Variants in CCNB3 observed in about 807,000 individuals in gnomAD.
The protein encoded by CCNB3 is cyclin B3, also known as G2/mitotic-specific cyclin-B3.
CCNB3 carries 12 observed loss-of-function variants against 68.0 expected under a neutral mutation model. The observed-to-expected ratio is 0.18, with a 90% CI of 0.11 to 0.29. The LOEUF is 0.29. Among genes scored for constraint, CCNB3 ranks in the 10% least tolerant of loss-of-function variants. The pLI, the probability that CCNB3 is intolerant of heterozygous loss-of-function variation, is 1.00. For synonymous variants in CCNB3, 354 were observed against 388.9 expected, an observed-to-expected ratio of 0.91 and a Z score of 1.06; for missense variants, 904 against 993.1, an observed-to-expected ratio of 0.91 and a Z score of 1.21.
chrX:50,226,235 TTA>T (rs1216491483), intron 1 of CCNB3, among the ~76,000 whole-genome samples: 6 of 61,020 alleles, frequency 9.8e-5, no homozygotes, highest in South Asian at 9.1e-4. Context: ...ATATATATAT[TTA>T]TATATATAGA....
Position 50,294,858 on chromosome X carries a change from TGCAG to T in CCNB3, c.205-2_206del. Reference sequence around the variant, plus strand: ...CTGCCCCCCAACCCACCTTTTTTTTTGCAGGCTTCTCAATGTCAACCTGTCCAGC... The same window carrying T: ...CTGCCCCCCAACCCACCTTTTTTTTTGCTTCTCAATGTCAACCTGTCCAGC... On this transcript the variant is annotated splice_acceptor_variant and splice_polypyrimidine_tract_variant and intron_variant, in intron 4 of 12. Transcript: ENST00000376042. LOFTEE classifies it high-confidence loss of function. The T allele has an allele frequency of 8.4e-7, 1 of 1,185,364 alleles. No homozygotes were observed. The highest frequency in any genetic ancestry group is 1.8e-5 in the African/African-American group (1 of 56,534).
chrX:50,226,249 T>TATATATATTTATATATATATA (rs1935781198), intron 1 of CCNB3, among the ~76,000 whole-genome samples: 1 of 65,640 alleles, frequency 1.5e-5, no homozygotes, highest in African/African-American at 6.8e-5. Flanking sequence ...ATATATAGAA[T>TATATATATTTATATATATATA]ATATATATTT....
At chrX:50,347,303 G>C in intron 10 of CCNB3, among the ~76,000 whole-genome samples, 1 of 110,394 alleles carries the variant, frequency 9.1e-6, no homozygotes, top group African/African-American at 3.3e-5. Context: ...GGAGGACCAG[G>C]AACAGAGTCA....
intron 8 of CCNB3, among the ~76,000 whole-genome samples, chrX:50,316,698 G>T (rs1263433722): frequency 8.9e-6 from 1 of 112,086 alleles, no homozygotes; most frequent in Non-Finnish European, 1.9e-5. Context: ...ATAAATGTTT[G>T]TGTTATATGT....
intron 11 of CCNB3, among the ~76,000 whole-genome samples, chrX:50,350,459 C>T (rs1404570138): frequency 9.0e-6 from 1 of 111,707 alleles, no homozygotes; most frequent in Admixed American, 9.5e-5. Context: ...GCTTCTGCCA[C>T]ATAATAGGCA....
intron 1 of CCNB3, among the ~76,000 whole-genome samples, chrX:50,279,412 A>G (rs1270658251): frequency 1.8e-4 from 13 of 71,662 alleles, no homozygotes; most frequent in African/African-American, 5.8e-4. Context: ...ATAGAAATAT[A>G]TAAATATATA....
intron 1 of CCNB3, among the ~76,000 whole-genome samples, chrX:50,216,042 G>A (rs1181635890): frequency 4.2e-5 from 4 of 96,303 alleles, no homozygotes; most frequent in Non-Finnish European, 8.1e-5. Flanking sequence ...TCCACCTCCC[G>A]GGTTCAAGTG....
At chrX:50,228,740 A>T (rs1312898421) in intron 1 of CCNB3, among the ~76,000 whole-genome samples, 3 of 75,004 alleles carry the variant, frequency 4.0e-5, no homozygotes, top group Non-Finnish European at 7.2e-5. Context: ...GAATATAGAA[A>T]CATATAGAAT....
intron 1 of CCNB3, among the ~76,000 whole-genome samples, chrX:50,280,177 A>G (rs1185823116): frequency 2.1e-5 from 2 of 93,311 alleles, no homozygotes; most frequent in African/African-American, 3.9e-5. Context: ...TATAGAATAT[A>G]TATATAAATA....
intron 1 of CCNB3, among the ~76,000 whole-genome samples, chrX:50,216,075 A>C (rs1275318680): frequency 6.7e-5 from 7 of 103,934 alleles, no homozygotes; most frequent in Admixed American, 3.2e-4. Context: ...CAGCCTCCTG[A>C]GTAGCTGGGA....
intron 5 of CCNB3, 44 bp downstream of exon 5, chrX:50,295,037 G>A (rs1557210682): frequency 8.8e-7 from 1 of 1,140,612 alleles, no homozygotes; most frequent in Non-Finnish European, 1.2e-6. Context: ...AGATGGTAGA[G>A]TATGTGACAT....
chrX:50,326,918 AG>A (rs782592478), intron 8 of CCNB3, among the ~76,000 whole-genome samples: 1 of 112,257 alleles, frequency 8.9e-6, no homozygotes, highest in African/African-American at 3.2e-5. Flanking sequence ...AGATTTTATC[AG>A]ATTTGTCTCC....
chrX:50,221,486 T>C (rs910876849), intron 1 of CCNB3, among the ~76,000 whole-genome samples: 1 of 111,750 alleles, frequency 8.9e-6, no homozygotes, highest in Non-Finnish European at 1.9e-5. Flanking sequence ...TTTGTTCTCA[T>C]TGGTTTCAAA....
At chrX:50,298,001 A>T (rs1298811338) in intron 5 of CCNB3, among the ~76,000 whole-genome samples, 5 of 111,720 alleles carry the variant, frequency 4.5e-5, no homozygotes, top group African/African-American at 9.8e-5. Flanking sequence ...GAATTTGCTG[A>T]AGTTGCTTAT....
At chrX:50,305,069 A>G (rs797026825) in intron 5 of CCNB3, among the ~76,000 whole-genome samples, 2 of 111,753 alleles carry the variant, frequency 1.8e-5, no homozygotes, top group African/African-American at 6.5e-5. Context: ...ACTGGAAACT[A>G]GTTCAACCCT....
At chrX:50,320,820 A>G (rs1256565224) in intron 8 of CCNB3, among the ~76,000 whole-genome samples, 12 of 110,415 alleles carry the variant, frequency 1.1e-4, no homozygotes, top group African/African-American at 3.9e-4. Context: ...GAACATACAC[A>G]TTTAGGATTA....
chrX:50,210,447 C>T (rs931289333), intron 1 of CCNB3, among the ~76,000 whole-genome samples: 1 of 111,639 alleles, frequency 9.0e-6, no homozygotes. Flanking sequence ...AAAAATAGAA[C>T]GAAATTGCTT....
chrX:50,226,945 GAA>G (rs1464988145), intron 1 of CCNB3, among the ~76,000 whole-genome samples: 1 of 68,596 alleles, frequency 1.5e-5, no homozygotes, highest in African/African-American at 6.8e-5. Context: ...TATATATATA[GAA>G]TATATATAGT....
rs185911073 is a variant in CCNB3 at position 50,328,860 on chromosome X, A to T, written c.3517-13342A>T. Among the ~76,000 whole-genome samples the T allele has an allele frequency of 2.2e-3, 253 of 112,757 alleles. 1 individual carries two copies. Among genetic ancestry groups the T allele is most frequent in the African/African-American group, 7.8e-3 (241 of 31,082 alleles). On this transcript the variant is annotated intron_variant, in intron 8 of 12. Coordinates refer to ENST00000376042, the MANE Select transcript of CCNB3 (RefSeq NM_033031.3). Reference sequence around the variant, plus strand: ...ACTCCCATTCCAAAAGGGAGAATGAACGAAAGGGGCTATAGGCCCCCACAT... The same window carrying T: ...ACTCCCATTCCAAAAGGGAGAATGATCGAAAGGGGCTATAGGCCCCCACAT...
Sources: gnomAD v4.1 joint callset for allele counts (sites outside exome capture counted in the v4.1 genomes callset) on GRCh38, gnomAD v4.1.1 for gene constraint, MANE v1.5 for transcripts, NCBI Gene and HGNC (gene_info 2026-07-23, HGNC 2026-07-21) for gene names.